Variants in C10orf67 observed in about 807,000 individuals in gnomAD.
C10orf67 encodes the protein chromosome 10 open reading frame 67, also known as uncharacterized protein C10orf67, mitochondrial.
C10orf67 carries 60 observed loss-of-function variants against 35.6 expected under a neutral mutation model. The observed-to-expected ratio is 1.68, with a 90% CI of 1.37 to 2.09. The LOEUF (loss-of-function observed/expected upper bound fraction) is 2.09. C10orf67 is among the 30% of genes most tolerant of loss of function. C10orf67 has a pLI of 0.00. For synonymous variants in C10orf67, 167 were observed against 115.8 expected, an observed-to-expected ratio of 1.44 and a Z score of -2.84; for missense variants, 474 against 330.2, an observed-to-expected ratio of 1.44 and a Z score of -3.38.
At chr10:23,234,545 GGAA>G (rs955246256) in intron 13 of C10orf67, among the ~76,000 whole-genome samples, 4 of 152,174 alleles carry the variant, frequency 2.6e-5, no homozygotes, top group South Asian at 4.2e-4. Context: ...GATGGGAGGA[GGAA>G]GAAGATCAGG....
At chr10:23,242,722 T>G (rs1842215242) in intron 12 of C10orf67, among the ~76,000 whole-genome samples, 1 of 151,560 alleles carries the variant, frequency 6.6e-6, no homozygotes, top group African/African-American at 2.4e-5. Flanking sequence ...GAATAAAATT[T>G]TACAAAGGAG....
intron 12 of C10orf67, among the ~76,000 whole-genome samples, chr10:23,244,567 C>A (rs1470287262): frequency 6.6e-6 from 1 of 151,556 alleles, no homozygotes; most frequent in Non-Finnish European, 1.5e-5. Flanking sequence ...AATAAGCTAT[C>A]CAAAAAGAAA....
chr10:23,340,562 ACT>A (rs1453353711), intron 1 of C10orf67, among the ~76,000 whole-genome samples: 3 of 151,796 alleles, frequency 2.0e-5, no homozygotes, highest in African/African-American at 7.3e-5. Flanking sequence ...TAAGCCCATG[ACT>A]CTCCGATTTC....
chr10:23,263,048 A>T (rs1842793259), intron 10 of C10orf67, among the ~76,000 whole-genome samples: 2 of 152,208 alleles, frequency 1.3e-5, no homozygotes, highest in Admixed American at 1.3e-4. Flanking sequence ...ACAACCTCTG[A>T]AGACCATGCA....
chr10:23,328,993 C>CAAAAAAAAAAAAAAAAAAAAGA (rs1845314468), intron 2 of C10orf67, among the ~76,000 whole-genome samples: 17 of 78,732 alleles, frequency 2.2e-4, no homozygotes, highest in Admixed American at 3.1e-4. Context: ...CATAAACGAA[C>CAAAAAAAAAAAAAAAAAAAAGA]AAAAAAAAAA....
intron 13 of C10orf67, among the ~76,000 whole-genome samples, chr10:23,231,163 G>A (rs1277801409): frequency 6.6e-6 from 1 of 152,012 alleles, no homozygotes; most frequent in African/African-American, 2.4e-5. Context: ...TGTTGCCCAG[G>A]CTGGTCTCAA....
intron 1 of C10orf67, among the ~76,000 whole-genome samples, chr10:23,343,738 T>C (rs151182754): frequency 1.1e-3 from 168 of 152,144 alleles, no homozygotes; most frequent in African/African-American, 3.9e-3. Flanking sequence ...AGCTATACAC[T>C]TGAAGAAGTG....
intron 6 of C10orf67, among the ~76,000 whole-genome samples, chr10:23,290,581 G>C (rs571650111): frequency 1.3e-5 from 2 of 151,988 alleles, no homozygotes; most frequent in Non-Finnish European, 2.9e-5. Flanking sequence ...TAACAACTTC[G>C]GTGATTTAAA....
intron 13 of C10orf67, among the ~76,000 whole-genome samples, chr10:23,229,062 G>A (rs1410230095): frequency 1.3e-5 from 2 of 152,214 alleles, no homozygotes; most frequent in Non-Finnish European, 2.9e-5. Flanking sequence ...AATACCATTT[G>A]ACCCAGCCAT....
At chr10:23,286,960 A>G (rs1037339856) in intron 7 of C10orf67, among the ~76,000 whole-genome samples, 23 of 152,068 alleles carry the variant, frequency 1.5e-4, no homozygotes, top group African/African-American at 5.6e-4. Flanking sequence ...AATATCTTGA[A>G]TGAGGAAATA....
In C10orf67 at chr10:23,333,106, G is replaced by A; in HGVS notation, c.283C>T (p.Leu95=). ...GATGAACTCAATTCTTTTACTGACA[G>A]TATTTCACTGGAATCAGTTTGAGTG... The part of the protein sequence containing the change: ...HATQTDSSEI[L]SVKELSSSTQ... The change falls in exon 2 of 16, where the codon CTG becomes TTG. Residue 95 remains leucine, a synonymous_variant. Coordinates refer to ENST00000636213, the MANE Select transcript of C10orf67 (RefSeq NM_001371909.1). The A allele has an allele frequency of 6.2e-7, 1 of 1,611,192 alleles. No homozygotes were observed. Among genetic ancestry groups the A allele is most frequent in the African/African-American group, 1.3e-5 (1 of 74,998 alleles).
At chr10:23,335,334 G>C (rs1845638833) in intron 1 of C10orf67, among the ~76,000 whole-genome samples, 1 of 152,176 alleles carries the variant, frequency 6.6e-6, no homozygotes, top group African/African-American at 2.4e-5. Flanking sequence ...GTCAACTGTA[G>C]CTGAAAGCAT....
At chr10:23,270,196 C>G (rs1423041905) in intron 8 of C10orf67, among the ~76,000 whole-genome samples, 1 of 152,146 alleles carries the variant, frequency 6.6e-6, no homozygotes, top group Non-Finnish European at 1.5e-5. Flanking sequence ...CACACTGGGA[C>G]CAACTAGGCA....
chr10:23,244,567 C>G (rs1470287262), intron 12 of C10orf67, among the ~76,000 whole-genome samples: 2 of 151,556 alleles, frequency 1.3e-5, no homozygotes, highest in Admixed American at 6.6e-5. Flanking sequence ...AATAAGCTAT[C>G]CAAAAAGAAA....
At chr10:23,294,011 C>G (rs950998449) in intron 5 of C10orf67, among the ~76,000 whole-genome samples, 1 of 152,202 alleles carries the variant, frequency 6.6e-6, no homozygotes, top group African/African-American at 2.4e-5. Context: ...TGCTTCAGAG[C>G]ACTTTCTGTG....
At chr10:23,253,905 G>C (rs1842533056) in intron 10 of C10orf67, among the ~76,000 whole-genome samples, 1 of 152,038 alleles carries the variant, frequency 6.6e-6, no homozygotes, top group Non-Finnish European at 1.5e-5. Context: ...ATGTAGACTA[G>C]AGTGTTTGCT....
intron 12 of C10orf67, among the ~76,000 whole-genome samples, chr10:23,241,462 T>G (rs1253648798): frequency 6.6e-6 from 1 of 152,200 alleles, no homozygotes; most frequent in Non-Finnish European, 1.5e-5. Flanking sequence ...GCATTTTGCA[T>G]GCAGGATAGG....
At chr10:23,280,421 C>G (rs1843334664) in intron 8 of C10orf67, among the ~76,000 whole-genome samples, 1 of 152,194 alleles carries the variant, frequency 6.6e-6, no homozygotes. Flanking sequence ...AAAATAGCAA[C>G]AACAAGGCCA....
intron 13 of C10orf67, among the ~76,000 whole-genome samples, chr10:23,239,290 C>T (rs958102285): frequency 3.3e-5 from 5 of 152,138 alleles, no homozygotes; most frequent in African/African-American, 9.7e-5. Context: ...ATCTATTACA[C>T]GAATTCTAAT....
Sources: allele counts gnomAD v4.1 joint callset (sites outside exome capture counted in the v4.1 genomes callset), GRCh38; gene constraint gnomAD v4.1.1; transcripts MANE v1.5; gene names NCBI Gene and HGNC (gene_info 2026-07-23, HGNC 2026-07-21).